The following IGBP1 variants were observed in gnomAD, a reference collection of about 807,000 sequenced individuals.
IGBP1 encodes immunoglobulin binding protein 1.
Under a neutral mutation model 25.9 loss-of-function variants are expected in IGBP1, and 2 were observed. The observed-to-expected ratio is 0.08, with a 90% confidence interval of 0.03 to 0.24. The LOEUF (loss-of-function observed/expected upper bound fraction) is 0.24. Among genes scored for constraint, IGBP1 ranks in the 10% least tolerant of loss-of-function variants. The pLI is 1.00. For missense variants in IGBP1, 187 were observed against 260.4 expected, an observed-to-expected ratio of 0.72 and a Z score of 1.94; for synonymous variants, 96 against 93.4, an observed-to-expected ratio of 1.03 and a Z score of -0.16.
rs993028660 is a variant in IGBP1, at chrX:70,162,901, G to A, written c.872-2932G>A. ...AGACAGGAGAATCGCTTGAGCCCAGGAGGCGGAGGTTGCAGTGAGCCAAGA... is the reference window on the plus strand; with the variant it reads ...AGACAGGAGAATCGCTTGAGCCCAGAAGGCGGAGGTTGCAGTGAGCCAAGA... On this transcript the variant is annotated intron_variant, in intron 6 of 6. Coordinates refer to ENST00000356413, the MANE Select transcript of IGBP1 (RefSeq NM_001551.3). Among the ~76,000 whole-genome samples, 4 of 111,218 alleles carry A rather than the reference G, an allele frequency of 3.6e-5. No homozygotes were observed. The Admixed American group carries it at 3.8e-4, about 11-fold the overall frequency.
At chrX:70,149,605 G>C (rs1325194280) in intron 5 of IGBP1, 1 of 101,888 alleles carries the variant, frequency 9.8e-6, no homozygotes, top group Non-Finnish European at 1.9e-5. Flanking sequence ...AATGAGCTGA[G>C]ATCACCCCAC....
At chrX:70,159,351 A>G (rs1033334838) in intron 6 of IGBP1, among the ~76,000 whole-genome samples, 4 of 112,327 alleles carry the variant, frequency 3.6e-5, no homozygotes, top group African/African-American at 6.5e-5. Flanking sequence ...CAAAGCAAGG[A>G]AAAAGAATAA....
chrX:70,156,901 T>C (rs2085244610), intron 6 of IGBP1, among the ~76,000 whole-genome samples: 1 of 111,493 alleles, frequency 9.0e-6, no homozygotes. Context: ...GATCACACCA[T>C]TGCACTCCAG....
chrX:70,149,369 A>G (rs1051850038), intron 5 of IGBP1, among the ~76,000 whole-genome samples: 1 of 110,240 alleles, frequency 9.1e-6, no homozygotes, highest in African/African-American at 3.3e-5. Context: ...ATAGGCACAC[A>G]TGGGCCAGGC....
intron 6 of IGBP1, among the ~76,000 whole-genome samples, chrX:70,163,282 C>T (rs2085280626): frequency 9.1e-6 from 1 of 110,016 alleles, no homozygotes; most frequent in South Asian, 3.9e-4. Flanking sequence ...TGATCTCGAA[C>T]TCCTGGGTTC....
intron 5 of IGBP1, among the ~76,000 whole-genome samples, chrX:70,149,904 A>T (rs768247876): frequency 2.7e-5 from 3 of 111,205 alleles, no homozygotes; most frequent in Non-Finnish European, 5.7e-5. Context: ...ACCAACTATA[A>T]ATACCCATTC....
intron 6 of IGBP1, among the ~76,000 whole-genome samples, chrX:70,156,804 G>A (rs2085243553): frequency 9.0e-6 from 1 of 111,099 alleles, no homozygotes; most frequent in Admixed American, 9.6e-5. Flanking sequence ...GCCGGGCGTG[G>A]TGGCGGGCGC....
chrX:70,155,494 CAAAAAAAAA>C (rs57946963), intron 6 of IGBP1, among the ~76,000 whole-genome samples: 1 of 36,557 alleles, frequency 2.7e-5, no homozygotes, highest in African/African-American at 9.0e-5. Context: ...GACTCTGTCT[CAAAAAAAAA>C]AAAAAAAAAA....
intron 6 of IGBP1, among the ~76,000 whole-genome samples, chrX:70,151,676 G>A (rs1047601263): frequency 9.0e-6 from 1 of 111,135 alleles, no homozygotes; most frequent in South Asian, 3.9e-4. Flanking sequence ...TCAGGAATTC[G>A]AGACCAGCCT....
chrX:70,148,496 T>G (rs1262253732), intron 4 of IGBP1: 3 of 339,629 alleles, frequency 8.8e-6, no homozygotes, highest in Non-Finnish European at 1.0e-5. Context: ...CAGGGTATTT[T>G]AAAGCCGAGT....
At chrX:70,134,287 C>T (rs1602658062) in intron 2 of IGBP1, 152 bp downstream of exon 2, 1 of 582,280 alleles carries the variant, frequency 1.7e-6, no homozygotes, top group East Asian at 3.6e-5. Flanking sequence ...TTTACATTCC[C>T]CACCTCTCTT....
At chrX:70,153,065 A>G (rs2085213439) in intron 6 of IGBP1, among the ~76,000 whole-genome samples, 1 of 112,348 alleles carries the variant, frequency 8.9e-6, no homozygotes, top group South Asian at 3.6e-4. Context: ...GAAATCATCC[A>G]AAGATAAAGT....
rs181485579 is a variant in IGBP1 at position 70,160,899 on chromosome X, A to G, written c.872-4934A>G. On this transcript the variant is annotated intron_variant, in intron 6 of 6. Coordinates refer to ENST00000356413, the MANE Select transcript of IGBP1 (RefSeq NM_001551.3). ...TAAATGAGCAGTTATTAGATAATCT[A>G]ATTCTATCATCCTCTGTCTTTGAGA... Among the ~76,000 whole-genome samples the G allele has an allele frequency of 1.3e-4, 15 of 112,454 alleles. No homozygotes were observed. In the East Asian group the frequency reaches 4.1e-3, roughly 31 times the overall value.
chrX:70,165,779 A>T lies in IGBP1; in HGVS notation c.872-54A>T, dbSNP rs1370133135. The T allele has an allele frequency of 1.2e-5, 13 of 1,094,181 alleles. No homozygotes were observed. The African/African-American group carries it at 1.8e-4, about 15-fold the overall frequency. 90.2% of individuals were successfully genotyped at this position (1,094,181 alleles called of 1,213,427 possible). On this transcript the variant is annotated intron_variant, in intron 6 of 6. Transcript: ENST00000356413. ...GAGTGGAACTGAGGCCCCTGACGTT[A>T]CTTATTAACATTCCCTCAATTTCTC...
At chrX:70,153,289 T>C (rs993888437) in intron 6 of IGBP1, among the ~76,000 whole-genome samples, 1 of 112,036 alleles carries the variant, frequency 8.9e-6, no homozygotes, top group African/African-American at 3.2e-5. Context: ...ACCAGAAAAT[T>C]GGCATTAGAG....
intron 3 of IGBP1, among the ~76,000 whole-genome samples, chrX:70,142,938 T>G (rs1489025970): frequency 1.6e-5 from 1 of 64,196 alleles, no homozygotes; most frequent in Non-Finnish European, 3.3e-5. Context: ...TTTTTTTTTT[T>G]GTGAGACAGA....
intron 6 of IGBP1, among the ~76,000 whole-genome samples, chrX:70,162,644 C>T (rs781617335): frequency 6.2e-5 from 7 of 112,290 alleles, no homozygotes; most frequent in Non-Finnish European, 1.1e-4. Flanking sequence ...TTGAAAACTT[C>T]TAAAATTAAG....
intron 3 of IGBP1, among the ~76,000 whole-genome samples, chrX:70,135,222 C>G (rs1031332936): frequency 1.9e-4 from 21 of 112,184 alleles, no homozygotes; most frequent in African/African-American, 6.8e-4. Flanking sequence ...CTGAACTGAT[C>G]TTAGTCCTGG....
chrX:70,147,504 G>C (rs1399188588), intron 4 of IGBP1, among the ~76,000 whole-genome samples: 1 of 111,566 alleles, frequency 9.0e-6, no homozygotes, highest in Non-Finnish European at 1.9e-5. Flanking sequence ...AACTGGAGGA[G>C]AGGGAGAAAA....
Sources: gnomAD v4.1 joint callset for allele counts (sites outside exome capture counted in the v4.1 genomes callset) on GRCh38, gnomAD v4.1.1 for gene constraint, MANE v1.5 for transcripts, NCBI Gene and HGNC (gene_info 2026-07-23, HGNC 2026-07-21) for gene names.